The following CFAP54 variants were observed in gnomAD, a reference collection of about 807,000 sequenced individuals.
CFAP54 encodes cilia- and flagella-associated protein 54.
In CFAP54, 290 loss-of-function variants were observed where a neutral mutation model predicts 370.4. The observed-to-expected ratio is 0.78, with a 90% CI of 0.71 to 0.86. CFAP54 has a LOEUF of 0.86. CFAP54 is among the 40% of genes least tolerant of loss of function. CFAP54 has a pLI of 0.00. For synonymous variants in CFAP54, 1,206 were observed against 1,236.5 expected (o/e 0.98, Z 0.52); for missense variants, 3,399 against 3,528.7 (o/e 0.96, Z 0.93).
chr12:96,592,986 G>A (rs775730934), intron 24 of CFAP54, among the ~76,000 whole-genome samples: 1 of 152,058 alleles, frequency 6.6e-6, no homozygotes, highest in Non-Finnish European at 1.5e-5. Context: ...AAGAACATAT[G>A]CCTAGACAAA....
intron 38 of CFAP54, among the ~76,000 whole-genome samples, chr12:96,660,746 A>G (rs1956985182): frequency 6.6e-6 from 1 of 152,172 alleles, no homozygotes; most frequent in African/African-American, 2.4e-5. Flanking sequence ...AGATAGCATC[A>G]GACCCCAGAG....
At chr12:96,816,831 C>T (rs1175437337) in intron 64 of CFAP54, among the ~76,000 whole-genome samples, 1 of 152,228 alleles carries the variant, frequency 6.6e-6, no homozygotes, top group Non-Finnish European at 1.5e-5. Context: ...TCTGCCTCCA[C>T]TCCCCTGGTC....
chr12:96,649,645 C>G lies in CFAP54; in HGVS notation c.4691-246C>G, dbSNP rs527337652. On this transcript the variant is annotated intron_variant, in intron 34 of 67. Coordinates refer to ENST00000524981, the MANE Select transcript of CFAP54 (RefSeq NM_001306084.2). ...TCTGCATTGTTCCTTTTGCCATCGA[C>G]TTTGTCTGAAATGACGTTCTCTGTA... Among the ~76,000 whole-genome samples the G allele has an allele frequency of 8.5e-5, 13 of 152,298 alleles. No individual in the cohort carries two copies. In the South Asian group the frequency reaches 2.1e-3, roughly 24 times the overall value.
rs986705488 is a variant in CFAP54, at chr12:96,708,711, T to C, written c.6632T>C (p.Leu2211Pro). The C allele has an allele frequency of 1.2e-6, 2 of 1,612,474 alleles. No individual in the cohort carries two copies. Among genetic ancestry groups the C allele is most frequent in the Non-Finnish European group, 1.7e-6 (2 of 1,179,518 alleles). ...AATTTTGTTAAAGCATACTTTTTCC[T>C]AAGTGTGGCTGCGACAATAAATTGT... Reference protein sequence around the residue: ...KFNFVKAYFFLSVAATINCVP... With the variant: ...KFNFVKAYFFPSVAATINCVP... Residue 2211 changes from leucine (L) to proline (P), a missense_variant, in exon 48 of 68, where the codon CTA becomes CCA. This residue lies in a region of CFAP54 where 2,796 missense variants were observed against 2,869.7 expected (regional missense o/e 0.97). Coordinates refer to ENST00000524981, the MANE Select transcript of CFAP54 (RefSeq NM_001306084.2).
At chr12:96,650,367 A>G (rs950864961) in intron 35 of CFAP54, among the ~76,000 whole-genome samples, 3 of 151,994 alleles carry the variant, frequency 2.0e-5, no homozygotes, top group Non-Finnish European at 4.4e-5. Flanking sequence ...ATGAATATGC[A>G]TGCACCTCTC....
chr12:96,546,164 T>C (rs1337008057), intron 14 of CFAP54, among the ~76,000 whole-genome samples: 2 of 152,174 alleles, frequency 1.3e-5, no homozygotes, highest in African/African-American at 2.4e-5. Context: ...AGCAGTCTTA[T>C]GGGACTGAGT....
chr12:96,643,790 G>A (rs11108608), intron 32 of CFAP54, among the ~76,000 whole-genome samples: 5,630 of 152,084 alleles, frequency 0.037, 143 homozygotes, highest in African/African-American at 0.077. Context: ...TTTTCCTTAA[G>A]GACCAATATA....
At chr12:96,555,316 A>T (rs11108580) in intron 17 of CFAP54, among the ~76,000 whole-genome samples, 15,187 of 151,982 alleles carry the variant, frequency 0.1, 1,241 homozygotes, top group East Asian at 0.45. Context: ...TTGTATATAG[A>T]GCTAAATAGA....
At chr12:96,806,215 A>ATATATAT (rs1565984969) in intron 63 of CFAP54, among the ~76,000 whole-genome samples, 1 of 79,456 alleles carries the variant, frequency 1.3e-5, no homozygotes, top group African/African-American at 4.3e-5. Flanking sequence ...TATATATATA[A>ATATATAT]TAACAACATA....
At chr12:96,778,953 C>G (rs1473389474) in intron 60 of CFAP54, among the ~76,000 whole-genome samples, 4 of 151,738 alleles carry the variant, frequency 2.6e-5, no homozygotes, top group Non-Finnish European at 5.9e-5. Flanking sequence ...ACTAAAAATA[C>G]AAAAATTAGC....
chr12:96,632,469 T>C (rs1027430859), intron 32 of CFAP54, among the ~76,000 whole-genome samples: 2 of 152,032 alleles, frequency 1.3e-5, no homozygotes, highest in African/African-American at 4.8e-5. Context: ...TTTAGTTTTG[T>C]TGCAGGTATT....
chr12:96,726,346 AT>A (rs1172692599), intron 50 of CFAP54, among the ~76,000 whole-genome samples: 4 of 152,270 alleles, frequency 2.6e-5, no homozygotes, highest in South Asian at 4.1e-4. Context: ...TATTGCCACA[AT>A]TTCAGATCTG....
intron 23 of CFAP54, 56 bp downstream of exon 23, chr12:96,589,619 G>A (rs1249530252): frequency 1.1e-5 from 12 of 1,099,946 alleles, no homozygotes; most frequent in Non-Finnish European, 1.3e-5. Flanking sequence ...TATAGATGCT[G>A]GATGCGAAGC....
At position 96,580,579 on chromosome 12, in the gene CFAP54, C is replaced by A; in HGVS notation, c.2797-18C>A. The A allele has an allele frequency of 1.4e-6, 2 of 1,446,888 alleles. No homozygotes were observed. Among genetic ancestry groups the A allele is most frequent in the Non-Finnish European group, 1.8e-6 (2 of 1,097,468 alleles). The allele number at this position is 1,446,888 out of a possible 1,614,324, so 89.6% of individuals were successfully genotyped here. A position where few individuals can be genotyped will look rare whatever the true frequency, so the allele number is the denominator to read the frequency against. ...TAAAAGAATGCCTTTTAAACAGGCTCATTTTTCTCGTCGGCAGGTCTCCTG... is the reference window on the plus strand; with the variant it reads ...TAAAAGAATGCCTTTTAAACAGGCTAATTTTTCTCGTCGGCAGGTCTCCTG... On this transcript the variant is annotated intron_variant, in intron 20 of 67. Coordinates refer to ENST00000524981, the MANE Select transcript of CFAP54 (RefSeq NM_001306084.2).
intron 55 of CFAP54, among the ~76,000 whole-genome samples, chr12:96,747,718 T>C (rs1958132593): frequency 6.6e-6 from 1 of 152,166 alleles, no homozygotes; most frequent in South Asian, 2.1e-4. Flanking sequence ...TGTCTGATCT[T>C]AGAAGTTATC....
intron 26 of CFAP54, among the ~76,000 whole-genome samples, chr12:96,611,721 C>G (rs532155987): frequency 6.6e-6 from 1 of 152,162 alleles, no homozygotes; most frequent in African/African-American, 2.4e-5. Flanking sequence ...AACCATGACA[C>G]GAGAACTACT....
chr12:96,739,375 A>G (rs892113037), intron 50 of CFAP54, among the ~76,000 whole-genome samples: 7 of 152,226 alleles, frequency 4.6e-5, no homozygotes, highest in African/African-American at 1.4e-4. Flanking sequence ...AAATTTATGT[A>G]TGGAGCAACA....
intron 32 of CFAP54, among the ~76,000 whole-genome samples, chr12:96,638,115 A>G (rs2136483789): frequency 6.6e-6 from 1 of 152,112 alleles, no homozygotes; most frequent in Non-Finnish European, 1.5e-5. Flanking sequence ...TGCTGGAAGT[A>G]CAGTTGGGAT....
intron 14 of CFAP54, among the ~76,000 whole-genome samples, chr12:96,544,812 G>A (rs1352951295): frequency 6.6e-6 from 1 of 152,196 alleles, no homozygotes; most frequent in Non-Finnish European, 1.5e-5. Context: ...CATCTGGTGA[G>A]GGCTTTCTTA....
Sources: gnomAD v4.1 joint callset for allele counts (sites outside exome capture counted in the v4.1 genomes callset) on GRCh38, gnomAD v4.1.1 for gene constraint, gnomAD v4.1.1 regional missense constraint, MANE v1.5 for transcripts, NCBI Gene and HGNC (gene_info 2026-07-23, HGNC 2026-07-21) for gene names.